Variants in APTX observed in about 807,000 individuals in gnomAD.
APTX encodes the protein aprataxin, also known as forkhead-associated domain histidine triad-like protein.
A neutral mutation model predicts 42.3 loss-of-function variants in APTX; 33 were observed. The ratio of observed to expected loss-of-function variants is 0.78; its 90% CI spans 0.59 to 1.04. The LOEUF is 1.04. Among genes scored for constraint, APTX ranks in the 50% least tolerant of loss-of-function variants. The pLI, the probability that APTX is intolerant of heterozygous loss-of-function variation, is 0.00. For missense variants in APTX, 421 were observed against 415.1 expected (o/e 1.01, Z -0.12); for synonymous variants, 130 against 146.7 (o/e 0.89, Z 0.82).
chr9:33,005,637 G>T (rs1324809559), upstream of APTX, among the ~76,000 whole-genome samples: 1 of 151,478 alleles, frequency 6.6e-6, no homozygotes, highest in African/African-American at 2.4e-5. Context: ...GTCTTGCTAT[G>T]TTGCCCAGGC....
Position 33,018,990 on chromosome 9 carries a change from T to C in APTX, c.-5+6033A>G, listed in dbSNP as rs142285372. On this transcript the variant is annotated intron_variant, in intron 1 of 6. Transcript: ENST00000436040. ...AAAGAGATATGATAACTCAAAGTAA[T>C]GTGGTGTCCTTGGTGGGATCCTGGA... is the stretch of plus-strand genomic sequence containing the variant. 4.9e-3 allele frequency among the ~76,000 whole-genome samples: 744 copies of C among 152,284 alleles called. 8 individuals carry two copies. Among genetic ancestry groups the C allele is most frequent in the African/African-American group, 0.017 (720 of 41,548 alleles).
At chr9:32,995,102 C>T (rs940756058) in intron 1 of APTX, among the ~76,000 whole-genome samples, 7 of 152,170 alleles carry the variant, frequency 4.6e-5, no homozygotes, top group African/African-American at 1.7e-4. Flanking sequence ...ATATTGTTTT[C>T]GTGCTTGATA....
At chr9:32,979,591 G>T in intron 6 of APTX, 1 of 154,922 alleles carries the variant, frequency 6.5e-6, no homozygotes, top group South Asian at 2.0e-4. Context: ...ATTCATTACA[G>T]ACAACGAATG....
intron 1 of APTX, among the ~76,000 whole-genome samples, chr9:32,996,533 A>G (rs557432661): frequency 6.6e-6 from 1 of 152,218 alleles, no homozygotes; most frequent in Non-Finnish European, 1.5e-5. Context: ...TTGACCTCCC[A>G]AAGTGCACGG....
intron 1 of APTX, among the ~76,000 whole-genome samples, chr9:33,020,466 A>C (rs1333042924): frequency 6.6e-6 from 1 of 152,230 alleles, no homozygotes; most frequent in Non-Finnish European, 1.5e-5. Flanking sequence ...ATCGCTCACC[A>C]TAAAAACCTG....
At chr9:32,979,406 G>A (rs1036089602) in intron 6 of APTX, among the ~76,000 whole-genome samples, 5 of 152,196 alleles carry the variant, frequency 3.3e-5, no homozygotes, top group African/African-American at 1.2e-4. Flanking sequence ...ATTCCATGGT[G>A]TATATGTACC....
chr9:33,018,740 G>T (rs555497794), intron 1 of APTX, among the ~76,000 whole-genome samples: 1 of 151,840 alleles, frequency 6.6e-6, no homozygotes, highest in Non-Finnish European at 1.5e-5. Flanking sequence ...TTAGCCAGGC[G>T]TGGTGGCAGG....
chr9:33,001,235 G>A, intron 1 of APTX: 2 of 1,300,598 alleles, frequency 1.5e-6, no homozygotes, highest in Non-Finnish European at 2.0e-6. Context: ...ATTTCTGGCG[G>A]AAACGCTGCC....
chr9:32,973,465 C>A lies in APTX; in HGVS notation c.*33G>T. 6.2e-7 allele frequency: 1 copy of A among 1,611,934 alleles called. No individual in the cohort carries two copies. Among genetic ancestry groups the A allele is most frequent in the African/African-American group, 1.3e-5 (1 of 75,016 alleles). ...GGTGCCAGCAGTTTGCTCCAGTGGG[C>A]CACACCACAGCAGCAGCTCAGGCTC... On this transcript the variant is annotated 3_prime_UTR_variant, in exon 8 of 8. Coordinates refer to ENST00000379817, the MANE Select transcript of APTX (RefSeq NM_001195248.2).
chr9:32,991,256 GAC>G (rs1833555446), intron 1 of APTX, among the ~76,000 whole-genome samples: 2 of 152,114 alleles, frequency 1.3e-5, no homozygotes, highest in Non-Finnish European at 2.9e-5. Context: ...GTGTGAATGT[GAC>G]AATTTTGTGC....
At chr9:33,018,280 G>A (rs1050710535) in intron 1 of APTX, among the ~76,000 whole-genome samples, 10 of 151,364 alleles carry the variant, frequency 6.6e-5, no homozygotes, top group African/African-American at 2.2e-4. Context: ...CTTGGATAAT[G>A]TTTGTATTTT....
intron 1 of APTX, chr9:33,016,218 G>A (rs1254925129): frequency 1.3e-5 from 2 of 152,230 alleles, no homozygotes; most frequent in Admixed American, 1.3e-4. Flanking sequence ...CCGTGATGGT[G>A]TGATTGCCTG....
At chr9:33,023,391 T>C (rs761274339) in intron 1 of APTX, among the ~76,000 whole-genome samples, 1 of 151,954 alleles carries the variant, frequency 6.6e-6, no homozygotes, top group Non-Finnish European at 1.5e-5. Flanking sequence ...ACCTGGCTAA[T>C]TGTTTCTATT....
chr9:32,990,356 G>A (rs202186803), intron 1 of APTX, among the ~76,000 whole-genome samples: 5 of 151,956 alleles, frequency 3.3e-5, no homozygotes, highest in African/African-American at 1.2e-4. Context: ...TATTTTTAGT[G>A]GAGACAGGGT....
chr9:33,023,382 C>T (rs976428407), intron 1 of APTX, among the ~76,000 whole-genome samples: 3 of 152,098 alleles, frequency 2.0e-5, no homozygotes, highest in Non-Finnish European at 4.4e-5. Flanking sequence ...TGCCACCATA[C>T]CTGGCTAATT....
At chr9:33,013,155 G>C (rs1837654956) in intron 1 of APTX, among the ~76,000 whole-genome samples, 1 of 152,044 alleles carries the variant, frequency 6.6e-6, no homozygotes, top group South Asian at 2.1e-4. Flanking sequence ...ATTACTATTA[G>C]CAAACATTTA....
chr9:32,974,500 G>GT lies in APTX; in HGVS notation c.831dup (p.His278ThrfsTer25), dbSNP rs750145870. 6.2e-7 allele frequency: 1 copy of GT among 1,611,386 alleles called. No homozygotes were observed. Among genetic ancestry groups the GT allele is most frequent in the South Asian group, 1.1e-5 (1 of 91,026 alleles). ...TATTCTGTATTGAAAGAATTCCAAT[G>GT]TTTTTTGTTTTTAAGGCAAGGAGAA... On this transcript the variant is annotated frameshift_variant, in exon 7 of 8. Coordinates refer to ENST00000379817, the MANE Select transcript of APTX (RefSeq NM_001195248.2). LOFTEE classifies it high-confidence loss of function.
intron 1 of APTX, among the ~76,000 whole-genome samples, chr9:33,023,991 G>A (rs1172483208): frequency 6.6e-6 from 1 of 152,154 alleles, no homozygotes; most frequent in Non-Finnish European, 1.5e-5. Context: ...TTTGTCCACT[G>A]CTCTCCTCCC....
intron 4 of APTX, among the ~76,000 whole-genome samples, chr9:32,986,735 AG>A (rs1308641132): frequency 6.6e-6 from 1 of 151,798 alleles, no homozygotes; most frequent in African/African-American, 2.4e-5. Flanking sequence ...TCCTGACCTC[AG>A]GTGATCTGCC....
Sources: allele counts gnomAD v4.1 joint callset (sites outside exome capture counted in the v4.1 genomes callset), GRCh38; gene constraint gnomAD v4.1.1; transcripts MANE v1.5; gene names NCBI Gene and HGNC (gene_info 2026-07-23, HGNC 2026-07-21).